Variants in CFHR5 observed in about 807,000 individuals in gnomAD.
CFHR5 encodes complement factor H-related protein 5.
CFHR5 carries 73 observed loss-of-function variants against 62.9 expected under a neutral mutation model. That is an observed-to-expected ratio of 1.16 (90% CI 0.96 to 1.41). CFHR5 has a LOEUF of 1.41. CFHR5 is among the 40% of genes most tolerant of loss of function. The probability of loss-of-function intolerance (pLI) is 0.00; values close to 1 mark genes in which losing one functional copy is unlikely to be tolerated. For synonymous variants in CFHR5, 249 were observed against 227.2 expected, an observed-to-expected ratio of 1.10 and a Z score of -0.86; for missense variants, 779 against 679.9, an observed-to-expected ratio of 1.15 and a Z score of -1.62.
chr1:196,979,575 T>C (rs1338936788), intron 1 of CFHR5, among the ~76,000 whole-genome samples: 1 of 152,142 alleles, frequency 6.6e-6, no homozygotes, highest in East Asian at 1.9e-4. Context: ...CAGACTTGTA[T>C]AGGGCTCTTA....
intron 3 of CFHR5, among the ~76,000 whole-genome samples, chr1:196,992,801 G>T (rs1653881598): frequency 6.6e-6 from 1 of 152,126 alleles, no homozygotes; most frequent in African/African-American, 2.4e-5. Flanking sequence ...TTATTTTAGT[G>T]AATTAAGACA....
rs145066322 is a variant in CFHR5, at chr1:196,991,589, T to C, written c.431-2491T>C. 7.2e-3 allele frequency among the ~76,000 whole-genome samples: 1,096 copies of C among 152,290 alleles called. 17 individuals are homozygous for C. The highest frequency in any genetic ancestry group is 0.025 in the African/African-American group (1,046 of 41,550). ...TTTTGTGGATGTTGATGCTATTTCT[T>C]TCGTTTTTTAGTTTTCCTTCTAACA... On this transcript the variant is annotated intron_variant, in intron 3 of 9. Transcript: ENST00000256785.
At chr1:196,988,965 C>T (rs1571516760) in intron 3 of CFHR5, among the ~76,000 whole-genome samples, 1 of 152,060 alleles carries the variant, frequency 6.6e-6, no homozygotes, top group Non-Finnish European at 1.5e-5. Context: ...CTCTTTGAAC[C>T]TCTGGTAGAA....
rs1226203883 is a variant in CFHR5, at chr1:196,995,744, C to T, written c.635C>T (p.Pro212Leu). ...KGQVRSCGPPPQLSNGEVKEI... is the reference protein window; with the variant it reads ...KGQVRSCGPPLQLSNGEVKEI... ...CAAGTACGATCATGTGGTCCACCTC[C>T]TCAACTCTCCAATGGTGAAGTTAAG... Residue 212 changes from proline to leucine, a missense_variant, in exon 5 of 10, where the codon CCT (proline) becomes CTT (leucine). By Grantham distance (98) the Pro-to-Leu change is moderately conservative. Transcript: ENST00000256785. 6.2e-7 allele frequency: 1 copy of T among 1,613,218 alleles called. No individual in the cohort carries two copies.
chr1:197,009,095 AAAAG>A lies in CFHR5; in HGVS notation c.*414_*417del, dbSNP rs1435666999. ...AGAGCATGTACATGGGAGTGAGAGA[AAAAG>A]AGAGAGAGAGACAGAGTGGCGGGGG... On this transcript the variant is annotated 3_prime_UTR_variant, in exon 10 of 10. Coordinates refer to ENST00000256785, the MANE Select transcript of CFHR5 (RefSeq NM_030787.4). The A allele has an allele frequency of 3.7e-5, 6 of 161,204 alleles. 1 individual carries two copies. The highest frequency in any genetic ancestry group is 1.4e-4 in the African/African-American group (6 of 41,682). The allele number at this position is 161,204 out of a possible 1,614,324, so 10.0% of individuals were successfully genotyped here.
rs1007735546 is a variant in CFHR5 at position 197,009,613 on chromosome 1, G to A, written c.*930G>A. ...AATATTTATAAATCCTCTAATGTAA[G>A]TCTAGCTACCTATCCAATACTAAAT... On this transcript the variant is annotated 3_prime_UTR_variant, in exon 10 of 10. Coordinates refer to ENST00000256785, the MANE Select transcript of CFHR5 (RefSeq NM_030787.4). The A allele has an allele frequency of 2.0e-5, 3 of 151,952 alleles. No homozygotes were observed. Among genetic ancestry groups the A allele is most frequent in the Non-Finnish European group, 2.9e-5 (2 of 68,014 alleles). The allele number at this position is 151,952 out of a possible 1,614,324, so 9.4% of individuals were successfully genotyped here.
intron 3 of CFHR5, among the ~76,000 whole-genome samples, chr1:196,991,553 G>T (rs1653847722): frequency 6.6e-6 from 1 of 152,138 alleles, no homozygotes; most frequent in South Asian, 2.1e-4. Flanking sequence ...GGGTTTTGTT[G>T]TGGATGTCCT....
intron 7 of CFHR5, among the ~76,000 whole-genome samples, chr1:197,001,954 T>A (rs1654164595): frequency 6.6e-6 from 1 of 152,016 alleles, no homozygotes; most frequent in Admixed American, 6.6e-5. Context: ...AAAAAAGAAT[T>A]TAATTCCTAG....
chr1:196,982,437 C>T (rs896967338), intron 1 of CFHR5, among the ~76,000 whole-genome samples: 6 of 152,082 alleles, frequency 3.9e-5, no homozygotes, highest in African/African-American at 7.2e-5. Context: ...TTTGGGAGGC[C>T]GAGGCGCATG....
intron 3 of CFHR5, among the ~76,000 whole-genome samples, chr1:196,984,837 T>C (rs927503468): frequency 7.9e-5 from 12 of 152,176 alleles, no homozygotes; most frequent in African/African-American, 2.7e-4. Flanking sequence ...CAGTAACTTC[T>C]GGCCACCATA....
At chr1:196,987,929 G>C (rs1031845371) in intron 3 of CFHR5, among the ~76,000 whole-genome samples, 1 of 152,070 alleles carries the variant, frequency 6.6e-6, no homozygotes, top group Non-Finnish European at 1.5e-5. Context: ...ACTTGATGCG[G>C]ATGGCATTGA....
At position 196,983,226 on chromosome 1, in the gene CFHR5, C is replaced by G. The variant is rs7555391; in HGVS notation, c.253+147C>G. ...AGATGTAGTCCTCCTATTTTGAGAC[C>G]CCTCCTATGAGAATCAATGAAGAAT... On this transcript the variant is annotated intron_variant, in intron 2 of 9. Coordinates refer to ENST00000256785, the MANE Select transcript of CFHR5 (RefSeq NM_030787.4). The G allele has an allele frequency of 3.9e-3, 3,898 of 992,682 alleles. 62 individuals are homozygous for G. In the African/African-American group the frequency reaches 0.045, roughly 11 times the overall value. 61.5% of individuals were successfully genotyped at this position (992,682 alleles called of 1,614,324 possible). A position where few individuals can be genotyped will look rare whatever the true frequency, so the allele number is the denominator to read the frequency against.
At chr1:196,977,500 C>T (rs939111637), upstream of CFHR5, 10 of 704,520 alleles carry the variant, frequency 1.4e-5, no homozygotes, top group South Asian at 1.4e-4. Flanking sequence ...TTTCACACAA[C>T]CCTCCATGAA....
chr1:197,006,018 C>A (rs989340881), intron 9 of CFHR5, among the ~76,000 whole-genome samples: 1 of 152,114 alleles, frequency 6.6e-6, no homozygotes, highest in Non-Finnish European at 1.5e-5. Context: ...AAGATAACTT[C>A]TAGGATTTAA....
rs1217222480 is a variant in CFHR5, at chr1:196,996,081, G to C, written c.850G>C (p.Val284Leu). 2.5e-6 allele frequency: 4 copies of C among 1,613,660 alleles called. No individual in the cohort carries two copies. Among genetic ancestry groups the C allele is most frequent in the Non-Finnish European group, 3.4e-6 (4 of 1,179,780 alleles). Residue 284 changes from valine (V) to leucine (L), a missense_variant, in exon 6 of 10, where the codon GTC becomes CTC. Val to Leu is a conservative substitution (Grantham distance 32). Coordinates refer to ENST00000256785, the MANE Select transcript of CFHR5 (RefSeq NM_030787.4). ...CGAGTACGGTTATGTTCAGCCGTCT[G>C]TCCCTCCCTATCAACATGGAGTTTC... is the stretch of plus-strand genomic sequence containing the variant. ...ELEYGYVQPS[V>L]PPYQHGVSVE...
intron 8 of CFHR5, 40 bp downstream of exon 8, chr1:197,002,704 G>T: frequency 6.7e-7 from 1 of 1,496,114 alleles, no homozygotes. Context: ...TTAAAAAGAG[G>T]TTATTAATCC....
chr1:196,982,756 A>G (rs1204747527), intron 1 of CFHR5, 129 bp from the exon 2 acceptor site: 23 of 778,282 alleles, frequency 3.0e-5, no homozygotes, highest in Non-Finnish European at 4.6e-5. Flanking sequence ...TACACTGGAA[A>G]GCATTTAAGC....
chr1:197,002,809 T>C, intron 8 of CFHR5, 145 bp downstream of exon 8: 1 of 675,434 alleles, frequency 1.5e-6, no homozygotes, highest in African/African-American at 1.8e-5. Context: ...AATTCTGTCA[T>C]TTAAAAAAGT....
At chr1:196,984,173 A>C in intron 3 of CFHR5, 36 bp downstream of exon 3, 2 of 1,538,386 alleles carry the variant, frequency 1.3e-6, no homozygotes, top group Non-Finnish European at 1.8e-6. Context: ...TTTGCTAATT[A>C]TTTAAAGAAA....
Sources: gnomAD v4.1 joint callset for allele counts (sites outside exome capture counted in the v4.1 genomes callset) on GRCh38, gnomAD v4.1.1 for gene constraint, MANE v1.5 for transcripts, NCBI Gene and HGNC (gene_info 2026-07-23, HGNC 2026-07-21) for gene names.